The following CALCRL variants were observed in gnomAD, a reference collection of about 807,000 sequenced individuals.
The protein encoded by CALCRL is calcitonin gene-related peptide type 1 receptor.
Under a neutral mutation model 60.4 loss-of-function variants are expected in CALCRL, and 27 were observed. The ratio of observed to expected loss-of-function variants is 0.45; its 90% CI spans 0.33 to 0.62. CALCRL has a LOEUF of 0.62. Ranked by LOEUF, CALCRL falls within the 20% of genes least tolerant of loss-of-function variation. The probability of loss-of-function intolerance (pLI) is 0.03; values close to 1 mark genes in which losing one functional copy is unlikely to be tolerated. For missense variants in CALCRL, 424 were observed against 540.7 expected (o/e 0.78, Z 2.14); for synonymous variants, 190 against 182.6 (o/e 1.04, Z -0.33).
At chr2:187,370,463 G>T (rs989329051) in intron 8 of CALCRL, among the ~76,000 whole-genome samples, 5 of 151,930 alleles carry the variant, frequency 3.3e-5, no homozygotes, top group African/African-American at 1.2e-4. Context: ...GGAAAACTTA[G>T]GTATGCTTAA....
chr2:187,353,642 C>A (rs1380357396), intron 12 of CALCRL, among the ~76,000 whole-genome samples: 1 of 151,916 alleles, frequency 6.6e-6, no homozygotes, highest in Non-Finnish European at 1.5e-5. Flanking sequence ...AAGGCAAAAG[C>A]AGAATAAGCC....
intron 8 of CALCRL, among the ~76,000 whole-genome samples, chr2:187,371,491 TA>T (rs1687516745): frequency 6.6e-6 from 1 of 152,082 alleles, no homozygotes; most frequent in Non-Finnish European, 1.5e-5. Flanking sequence ...AGGTTTTAAA[TA>T]AATGAAAAGC....
intron 8 of CALCRL, among the ~76,000 whole-genome samples, chr2:187,372,343 C>T (rs1687566184): frequency 6.7e-6 from 1 of 150,338 alleles, no homozygotes; most frequent in South Asian, 2.1e-4. Flanking sequence ...CTAAAGGGTT[C>T]CACTTTGTTT....
intron 1 of CALCRL, chr2:187,415,674 G>A (rs1689572138): frequency 1.6e-6 from 1 of 612,672 alleles, no homozygotes; most frequent in South Asian, 1.6e-5. Flanking sequence ...GCTACACTGA[G>A]CACCAGGTTG....
At chr2:187,409,846 G>A (rs771547807) in intron 1 of CALCRL, among the ~76,000 whole-genome samples, 1 of 152,136 alleles carries the variant, frequency 6.6e-6, no homozygotes, top group Non-Finnish European at 1.5e-5. Context: ...GGTGGGACAA[G>A]GAGAGTGATT....
chr2:187,356,488 C>A (rs548375421), intron 12 of CALCRL, among the ~76,000 whole-genome samples: 7 of 152,148 alleles, frequency 4.6e-5, no homozygotes, highest in Admixed American at 3.3e-4. Context: ...TTCTTTATAC[C>A]TTATACAAAA....
Position 187,342,411 on chromosome 2 carries a change from G to A in CALCRL, c.*3773C>T, listed in dbSNP as rs1265853363. On this transcript the variant is annotated 3_prime_UTR_variant, in exon 15 of 15. Coordinates refer to ENST00000392370, the MANE Select transcript of CALCRL (RefSeq NM_005795.6). ...TATGAAGTATTATATGATATGTCAA[G>A]TATATCTCAATGAAGCTGTTAAAAA... 6.6e-6 allele frequency among the ~76,000 whole-genome samples: 1 copy of A among 151,718 alleles called. No individual in the cohort carries two copies. Among genetic ancestry groups the A allele is most frequent in the Non-Finnish European group, 1.5e-5 (1 of 67,698 alleles).
intron 1 of CALCRL, among the ~76,000 whole-genome samples, chr2:187,442,327 C>T (rs1486927981): frequency 6.6e-6 from 1 of 150,668 alleles, no homozygotes; most frequent in Non-Finnish European, 1.5e-5. Flanking sequence ...TCCTATGAAA[C>T]TCATGCAACT....
intron 5 of CALCRL, among the ~76,000 whole-genome samples, chr2:187,382,037 G>GA (rs898150809): frequency 1.3e-5 from 2 of 151,974 alleles, no homozygotes; most frequent in African/African-American, 4.8e-5. Flanking sequence ...TGGCCTATTA[G>GA]AAAAAAATTT....
intron 1 of CALCRL, among the ~76,000 whole-genome samples, chr2:187,413,158 A>G (rs1689438652): frequency 6.6e-6 from 1 of 152,188 alleles, no homozygotes; most frequent in African/African-American, 2.4e-5. Flanking sequence ...GGGAAATCTA[A>G]GCTTGCCCTT....
chr2:187,383,343 A>G (rs1688059157), intron 4 of CALCRL, 38 bp from the exon 5 acceptor site: 2 of 1,551,024 alleles, frequency 1.3e-6, no homozygotes, highest in Non-Finnish European at 8.7e-7. Flanking sequence ...AACTTCATGA[A>G]AAGGATTATG....
chr2:187,358,973 C>A, intron 12 of CALCRL, 90 bp downstream of exon 12: 1 of 1,010,864 alleles, frequency 9.9e-7, no homozygotes, highest in Non-Finnish European at 1.6e-6. Flanking sequence ...TCTGTGTCCA[C>A]TGGGACCCTG....
chr2:187,437,182 A>G (rs1690679071), intron 1 of CALCRL, among the ~76,000 whole-genome samples: 1 of 152,242 alleles, frequency 6.6e-6, no homozygotes, highest in Admixed American at 6.5e-5. Context: ...TTACTCAAAA[A>G]GAGCAAAGTT....
intron 3 of CALCRL, among the ~76,000 whole-genome samples, chr2:187,386,463 C>T (rs1688209363): frequency 1.3e-5 from 2 of 151,974 alleles, no homozygotes; most frequent in Non-Finnish European, 2.9e-5. Flanking sequence ...AAAAGATTCC[C>T]TAAGTCATCT....
intron 3 of CALCRL, among the ~76,000 whole-genome samples, chr2:187,386,266 A>G (rs1318050136): frequency 6.6e-6 from 1 of 152,144 alleles, no homozygotes; most frequent in Non-Finnish European, 1.5e-5. Flanking sequence ...ATATTTTATT[A>G]TAAAGCTTAC....
rs546116890 is a variant in CALCRL at position 187,444,475 on chromosome 2, C to T, written c.-293+3564G>A. On this transcript the variant is annotated intron_variant, in intron 1 of 14. Transcript: ENST00000392370. ...ACCATGAAAACATTAAAAAATAAAA[C>T]TTGCTTAACATTTCAAAAGTAAATA... Among the ~76,000 whole-genome samples, 8 of 151,594 alleles carry T rather than the reference C, an allele frequency of 5.3e-5. 1 individual carries two copies. The South Asian group carries it at 1.2e-3, about 24-fold the overall frequency.
chr2:187,351,630 A>C (rs1306941717), intron 14 of CALCRL, among the ~76,000 whole-genome samples: 1 of 151,802 alleles, frequency 6.6e-6, no homozygotes, highest in Non-Finnish European at 1.5e-5. Context: ...TCTGGGGAAA[A>C]GCTCAGACTT....
At chr2:187,385,685 A>ATT in intron 3 of CALCRL, 54 bp from the exon 4 acceptor site, 3 of 864,810 alleles carry the variant, frequency 3.5e-6, no homozygotes, top group Non-Finnish European at 5.4e-6. Flanking sequence ...AAATAAATGC[A>ATT]GATGATTCTC....
chr2:187,430,921 G>A (rs954165154), intron 1 of CALCRL, among the ~76,000 whole-genome samples: 1 of 151,864 alleles, frequency 6.6e-6, no homozygotes, highest in Admixed American at 6.6e-5. Context: ...GTTTTATACA[G>A]TATATATACA....
Sources: allele counts gnomAD v4.1 joint callset (sites outside exome capture counted in the v4.1 genomes callset), GRCh38; gene constraint gnomAD v4.1.1; transcripts MANE v1.5; gene names NCBI Gene and HGNC (gene_info 2026-07-23, HGNC 2026-07-21).